Variants in MYH16 observed in about 807,000 individuals in gnomAD.
MYH16 encodes the protein myosin heavy chain 16.
intron 33 of MYH16, among the ~76,000 whole-genome samples, chr7:99,294,651 C>T (rs1333706882): frequency 1.3e-5 from 2 of 151,430 alleles, no homozygotes; most frequent in African/African-American, 2.4e-5. Context: ...CTGCAACCTC[C>T]ACCTCCTGGA....
chr7:99,266,126 C>CA (rs35188655), intron 17 of MYH16, among the ~76,000 whole-genome samples: 3,445 of 151,820 alleles, frequency 0.023, 51 homozygotes, highest in Non-Finnish European at 0.024. Context: ...TCTTCTGGTC[C>CA]AAAAAAAACC....
downstream of MYH16, among the ~76,000 whole-genome samples, chr7:99,308,311 A>C (rs1792709937): frequency 6.6e-6 from 1 of 150,888 alleles, no homozygotes; most frequent in Non-Finnish European, 1.5e-5. Context: ...AAAAAAAAAA[A>C]AAAAAAAAAC....
downstream of MYH16, chr7:99,311,040 G>A (rs17161669): frequency 0.15 from 23,472 of 152,088 alleles, 2,475 homozygotes; most frequent in African/African-American, 0.3. Flanking sequence ...TAATGTCTGT[G>A]ACCCGGCTGT....
exon 36 of MYH16, chr7:99,297,987 G>A (rs1277734719): frequency 2.2e-6 from 1 of 456,616 alleles, no homozygotes; most frequent in Non-Finnish European, 4.4e-6. Context: ...AAGAATTTGA[G>A]GCTACCAGGT....
At chr7:99,298,447 G>A (rs1391153742) in intron 36 of MYH16, among the ~76,000 whole-genome samples, 3 of 152,068 alleles carry the variant, frequency 2.0e-5, no homozygotes, top group African/African-American at 4.8e-5. Context: ...TGGCCAGGTT[G>A]GTCTTGAACT....
At position 99,294,951 on chromosome 7, in the gene MYH16, G is replaced by C. The variant is rs769162183; in HGVS notation, n.4282+801G>C. On this transcript the variant is annotated intron_variant and non_coding_transcript_variant, in intron 33 of 41. Coordinates refer to ENST00000439784, the Ensembl canonical transcript of MYH16. Reference sequence around the variant, plus strand: ...ACTACTTGGGAAGCTAAGGCATGAGGATCATTTGAACCAGGGGTTCAAGGC... The same window carrying C: ...ACTACTTGGGAAGCTAAGGCATGAGCATCATTTGAACCAGGGGTTCAAGGC... Among the ~76,000 whole-genome samples the C allele has an allele frequency of 4.6e-5, 7 of 152,260 alleles. No individual in the cohort carries two copies. In the East Asian group the frequency reaches 1.2e-3, roughly 25 times the overall value.
chr7:99,251,319 A>G (rs573213951), intron 6 of MYH16: 1 of 152,730 alleles, frequency 6.5e-6, no homozygotes, highest in African/African-American at 2.4e-5. Context: ...TCCCCTTCCC[A>G]GAGATGTTGA....
At chr7:99,286,645 TGAG>T (rs891004530) in intron 28 of MYH16, 6 of 152,094 alleles carry the variant, frequency 3.9e-5, no homozygotes, top group African/African-American at 1.4e-4. Flanking sequence ...GAGATGGACT[TGAG>T]GAGAAACCAA....
Position 99,294,552 on chromosome 7 carries a change from AAAAT to A in MYH16, n.4282+404_4282+407del, listed in dbSNP as rs1392851587. On this transcript the variant is annotated intron_variant and non_coding_transcript_variant, in intron 33 of 41. Coordinates refer to ENST00000439784, the Ensembl canonical transcript of MYH16. ...AAAAGAAAAAGAAAAAAAGAAAAAA[AAAAT>A]ATATATATATATTTTTTTTCTTTTT... Among the ~76,000 whole-genome samples the A allele has an allele frequency of 3.5e-3, 445 of 127,536 alleles. 3 individuals carry two copies. Among genetic ancestry groups the A allele is most frequent in the Admixed American group, 0.023 (293 of 12,922 alleles). 83.7% of individuals were successfully genotyped at this position (127,536 alleles called of 152,430 possible).
At chr7:99,308,358 T>C (rs1792710928), downstream of MYH16, among the ~76,000 whole-genome samples, 1 of 111,102 alleles carries the variant, frequency 9.0e-6, no homozygotes, top group South Asian at 2.9e-4. Context: ...CCCCGGGGAG[T>C]AGCCACTATT....
chr7:99,282,897 G>A (rs187091730), intron 23 of MYH16, among the ~76,000 whole-genome samples: 126 of 152,230 alleles, frequency 8.3e-4, no homozygotes, highest in Non-Finnish European at 1.0e-3. Flanking sequence ...AGGGTGCTGG[G>A]CTCTAGGTTT....
At chr7:99,277,933 GAGAGACAGACAGACAGAC>G (rs1419179394) in intron 21 of MYH16, among the ~76,000 whole-genome samples, 19 of 135,420 alleles carry the variant, frequency 1.4e-4, no homozygotes, top group African/African-American at 6.6e-4. Flanking sequence ...GAGAGAGAGA[GAGAGACAGACAGACAGAC>G]AGACAGACAG....
chr7:99,285,852 G>T (rs541311963), intron 27 of MYH16, among the ~76,000 whole-genome samples: 7 of 152,248 alleles, frequency 4.6e-5, no homozygotes, highest in African/African-American at 1.7e-4. Flanking sequence ...AGGCTTGAGC[G>T]TGGGGATCCT....
intron 25 of MYH16, among the ~76,000 whole-genome samples, chr7:99,284,417 C>T (rs925168745): frequency 6.6e-6 from 1 of 152,042 alleles, no homozygotes; most frequent in Non-Finnish European, 1.5e-5. Context: ...ATAGCAAGAC[C>T]CCGTCTACAA....
At chr7:99,292,354 G>C (rs538629145) in exon 32 of MYH16, 1 of 456,850 alleles carries the variant, frequency 2.2e-6, no homozygotes, top group South Asian at 1.5e-5. Flanking sequence ...CACCAAGCAC[G>C]ACCTGGACCT....
intron 31 of MYH16, 24 bp from the exon 13 acceptor site, chr7:99,292,288 C>T (rs777719451): frequency 2.3e-4 from 104 of 451,286 alleles, no homozygotes; most frequent in Non-Finnish European, 3.9e-4. Context: ...CCCCCACGGG[C>T]GCCTGACAGG....
Position 99,294,090 on chromosome 7 carries a change from C to T in MYH16, n.4222C>T, listed in dbSNP as rs61743187. The T allele has an allele frequency of 2.5e-3, 1,137 of 456,190 alleles. 9 individuals carry two copies. Among genetic ancestry groups the T allele is most frequent in the African/African-American group, 0.018 (913 of 50,106 alleles). 28.3% of individuals were successfully genotyped at this position (456,190 alleles called of 1,614,324 possible). On this transcript the variant is annotated non_coding_transcript_exon_variant, in exon 33 of 42. Transcript: ENST00000439784. Reference sequence around the variant, plus strand: ...CTGCCCAGGCCCGGGCCGCCTCCCTCGAGAAAAATAAGCAGAGACTCCAGG... The same window carrying T: ...CTGCCCAGGCCCGGGCCGCCTCCCTTGAGAAAAATAAGCAGAGACTCCAGG...
intron 14 of MYH16, among the ~76,000 whole-genome samples, chr7:99,263,706 C>T (rs1359512404): frequency 6.6e-6 from 1 of 152,204 alleles, no homozygotes; most frequent in Non-Finnish European, 1.5e-5. Context: ...CTGGGCACAT[C>T]TTGCCTCTAG....
chr7:99,261,074 ATAAAT>A (rs1311438936), intron 12 of MYH16: 4 of 151,992 alleles, frequency 2.6e-5, no homozygotes, highest in African/African-American at 9.7e-5. Context: ...CTCAAAATAA[ATAAAT>A]TAAATTAAAA....
Sources: allele counts gnomAD v4.1 joint callset (sites outside exome capture counted in the v4.1 genomes callset), GRCh38; gene constraint gnomAD v4.1.1; transcripts MANE v1.5; gene names NCBI Gene and HGNC (gene_info 2026-07-23, HGNC 2026-07-21).